Variants in MFSD1 observed in about 807,000 individuals in gnomAD.
The protein encoded by MFSD1 is lysosomal dipeptide transporter MFSD1.
In MFSD1, 59 loss-of-function variants were observed where a neutral mutation model predicts 67.1. That is an observed-to-expected ratio of 0.88 (90% CI 0.71 to 1.09). The LOEUF is 1.09. Ranked by LOEUF, MFSD1 falls within the 50% of genes least tolerant of loss-of-function variation. MFSD1 has a pLI of 0.00. For synonymous variants in MFSD1, 213 were observed against 200.3 expected, an observed-to-expected ratio of 1.06 and a Z score of -0.54; for missense variants, 552 against 566.1, an observed-to-expected ratio of 0.97 and a Z score of 0.25.
chr3:158,819,626 C>CTT, intron 7 of MFSD1, 23 bp from the exon 8 acceptor site: 22 of 1,120,860 alleles, frequency 2.0e-5, no homozygotes, highest in Admixed American at 2.6e-5. Flanking sequence ...GTCTGTTTTT[C>CTT]TTTTTTTTTT....
Position 158,805,356 on chromosome 3 carries a change from A to T in MFSD1, c.217-6A>T, listed in dbSNP as rs748655281. ...AAAAAAATAGTTTTATTTTCTTTTC[A>T]TATAGGATATGCAAGTGAATACCAC... On this transcript the variant is annotated splice_polypyrimidine_tract_variant and splice_region_variant and intron_variant, in intron 2 of 15. Coordinates refer to ENST00000415822, the MANE Select transcript of MFSD1 (RefSeq NM_022736.4). 6.3e-7 allele frequency: 1 copy of T among 1,599,464 alleles called. No individual in the cohort carries two copies. Among genetic ancestry groups the T allele is most frequent in the East Asian group, 2.2e-5 (1 of 44,784 alleles).
Position 158,829,313 on chromosome 3 carries a change from A to G in MFSD1, c.*331A>G, listed in dbSNP as rs1731191755. On this transcript the variant is annotated 3_prime_UTR_variant, in exon 16 of 16. Coordinates refer to ENST00000415822, the MANE Select transcript of MFSD1 (RefSeq NM_022736.4). ...TCTGTTGAGATAATCTTCATTAGGT[A>G]TATATCTTAGGGATACAGCCTTTTC... The G allele has an allele frequency of 5.2e-6, 1 of 193,200 alleles. No homozygotes were observed. Among genetic ancestry groups the G allele is most frequent in the African/African-American group, 2.3e-5 (1 of 43,130 alleles). 12.0% of individuals were successfully genotyped at this position (193,200 alleles called of 1,614,324 possible).
At chr3:158,821,934 T>G (rs775539461) in intron 10 of MFSD1, 50 bp from the exon 11 acceptor site, 44 of 1,565,128 alleles carry the variant, frequency 2.8e-5, no homozygotes, top group Non-Finnish European at 3.5e-5. Flanking sequence ...TTGAAACTGA[T>G]GTTTGACTGT....
At chr3:158,813,878 C>T in intron 6 of MFSD1, 87 bp from the exon 7 acceptor site, 1 of 788,194 alleles carries the variant, frequency 1.3e-6, no homozygotes, top group Non-Finnish European at 1.9e-6. Context: ...GATCCTACTT[C>T]TGAGCCACCT....
intron 5 of MFSD1, among the ~76,000 whole-genome samples, chr3:158,808,332 G>A (rs80263961): frequency 2.6e-5 from 4 of 152,126 alleles, no homozygotes; most frequent in Admixed American, 6.5e-5. Context: ...AGGTGGCCTC[G>A]GTGTAAGGAT....
chr3:158,820,612 T>C (rs984297895), intron 9 of MFSD1, among the ~76,000 whole-genome samples: 3 of 152,188 alleles, frequency 2.0e-5, no homozygotes, highest in African/African-American at 7.2e-5. Context: ...AAGATTTAAT[T>C]GACTCACAGT....
chr3:158,814,809 A>C (rs1320427775), intron 7 of MFSD1, among the ~76,000 whole-genome samples: 1 of 152,136 alleles, frequency 6.6e-6, no homozygotes. Context: ...GCAGCCGGGC[A>C]CGGTGGCTCA....
intron 13 of MFSD1, among the ~76,000 whole-genome samples, chr3:158,824,788 G>C (rs13316352): frequency 0.19 from 28,267 of 152,046 alleles, 2,993 homozygotes; most frequent in Middle Eastern, 0.31. Context: ...GTCTTTTATA[G>C]TTCAATATTG....
chr3:158,805,483 G>T lies in MFSD1; in HGVS notation c.329+9G>T. On this transcript the variant is annotated intron_variant, in intron 3 of 15. Transcript: ENST00000415822. ...CGAGTATTTGGAATACGGTAAGCTT[G>T]AAAAGAAACTATGGGTAAATCTTAC... The T allele has an allele frequency of 6.4e-7, 1 of 1,571,720 alleles. No homozygotes were observed.
chr3:158,819,626 C>CTTTT, intron 7 of MFSD1, 23 bp from the exon 8 acceptor site: 1 of 1,120,942 alleles, frequency 8.9e-7, no homozygotes. Context: ...GTCTGTTTTT[C>CTTTT]TTTTTTTTTT....
chr3:158,828,872 G>T, intron 15 of MFSD1, 107 bp from the exon 16 acceptor site: 1 of 1,072,108 alleles, frequency 9.3e-7, no homozygotes. Context: ...GTGTAGCTTA[G>T]TATTTGCTAT....
rs773582744 is a variant in MFSD1, at chr3:158,809,275, C to T, written c.537C>T (p.Ser179=). Residue 179 remains serine (S), a synonymous_variant, in exon 6 of 16, where the codon AGC becomes AGT. Transcript: ENST00000415822. The part of the protein sequence containing the change: ...ELNLVFGLQL[S]MARIGSTVNM... ...ACCTGGTGTTTGGACTTCAACTTAG[C>T]ATGGCTAGAATTGTAAGTATAATGA... 2 of 1,603,180 alleles carry T rather than the reference C, an allele frequency of 1.2e-6. No homozygotes were observed. The highest frequency in any genetic ancestry group is 1.7e-6 in the Non-Finnish European group (2 of 1,175,054).
intron 7 of MFSD1, among the ~76,000 whole-genome samples, chr3:158,818,394 G>A (rs755175712): frequency 1.3e-5 from 2 of 151,798 alleles, no homozygotes; most frequent in African/African-American, 4.8e-5. Context: ...ATTTTTTAAT[G>A]TATAATCCCT....
At chr3:158,809,080 G>C in intron 5 of MFSD1, 99 bp from the exon 6 acceptor site, 1 of 828,540 alleles carries the variant, frequency 1.2e-6, no homozygotes, top group South Asian at 2.0e-5. Context: ...CCCATCTCTT[G>C]ATAGGAGAAG....
At chr3:158,808,709 A>G (rs9877657) in intron 5 of MFSD1, among the ~76,000 whole-genome samples, 1,815 of 152,188 alleles carry the variant, frequency 0.012, 30 homozygotes, top group African/African-American at 0.041. Context: ...AATTCGGACA[A>G]AGTGTAGCAA....
At chr3:158,816,103 G>A (rs1287943615) in intron 7 of MFSD1, among the ~76,000 whole-genome samples, 6 of 151,632 alleles carry the variant, frequency 4.0e-5, no homozygotes, top group Middle Eastern at 3.4e-3. Context: ...GAATAGTGCC[G>A]CAATAAACAT....
At chr3:158,808,957 G>T (rs145664509) in intron 5 of MFSD1, 3 of 422,546 alleles carry the variant, frequency 7.1e-6, no homozygotes, top group East Asian at 7.0e-5. Flanking sequence ...GAGTGAAAAG[G>T]TGATGTCACC....
At chr3:158,811,930 A>C (rs979189929) in intron 6 of MFSD1, among the ~76,000 whole-genome samples, 4 of 152,224 alleles carry the variant, frequency 2.6e-5, no homozygotes, top group Non-Finnish European at 4.4e-5. Context: ...TTCATTCCAA[A>C]ATACCTATTA....
At chr3:158,825,863 T>C (rs1401744673) in intron 13 of MFSD1, 152 bp from the exon 14 acceptor site, 1 of 657,356 alleles carries the variant, frequency 1.5e-6, no homozygotes, top group Non-Finnish European at 2.6e-6. Flanking sequence ...TTAGTGCTTT[T>C]GGAAAATAAA....
Sources: allele counts gnomAD v4.1 joint callset (sites outside exome capture counted in the v4.1 genomes callset), GRCh38; gene constraint gnomAD v4.1.1; transcripts MANE v1.5; gene names NCBI Gene and HGNC (gene_info 2026-07-23, HGNC 2026-07-21).